The following CSMD3 variants were observed in gnomAD, a reference collection of about 807,000 sequenced individuals.
The protein encoded by CSMD3 is CUB and sushi domain-containing protein 3.
Under a neutral mutation model 435.2 loss-of-function variants are expected in CSMD3, and 177 were observed. The ratio of observed to expected loss-of-function variants is 0.41; its 90% CI spans 0.36 to 0.46. The LOEUF is 0.46. Ranked by LOEUF, CSMD3 falls within the 20% of genes least tolerant of loss-of-function variation. The pLI is 0.34. For missense variants in CSMD3, 4,265 were observed against 4,504.6 expected, an observed-to-expected ratio of 0.95 and a Z score of 1.52; for synonymous variants, 1,656 against 1,520.5, an observed-to-expected ratio of 1.09 and a Z score of -2.07.
At chr8:112,230,892 GTATCCC>G (rs1476666196) in intron 69 of CSMD3, among the ~76,000 whole-genome samples, 1 of 152,094 alleles carries the variant, frequency 6.6e-6, no homozygotes, top group Non-Finnish European at 1.5e-5. Context: ...TATTCTTTGT[GTATCCC>G]TGTCACAGTA....
chr8:112,949,023 C>A (rs188531149), intron 8 of CSMD3, among the ~76,000 whole-genome samples: 1 of 151,994 alleles, frequency 6.6e-6, no homozygotes, highest in Non-Finnish European at 1.5e-5. Context: ...CATCCTCTTG[C>A]CTTGGCCATC....
intron 4 of CSMD3, among the ~76,000 whole-genome samples, chr8:113,144,274 G>T (rs575345394): frequency 6.6e-6 from 1 of 151,336 alleles, no homozygotes; most frequent in South Asian, 2.1e-4. Context: ...CCAAAAATCT[G>T]GTAATGGTAT....
intron 17 of CSMD3, among the ~76,000 whole-genome samples, chr8:112,662,469 T>C (rs2075409019): frequency 6.6e-6 from 1 of 152,082 alleles, no homozygotes; most frequent in East Asian, 1.9e-4. Context: ...TGGCTAGCCA[T>C]ATGTAGAAAG....
intron 47 of CSMD3, among the ~76,000 whole-genome samples, 160 bp from the exon 48 acceptor site, chr8:112,314,777 A>C (rs190689069): frequency 6.6e-6 from 1 of 152,158 alleles, no homozygotes; most frequent in Non-Finnish European, 1.5e-5. Context: ...CTTATGATTC[A>C]AAAGCTGGAG....
At chr8:112,509,204 C>T (rs1277905769) in intron 28 of CSMD3, among the ~76,000 whole-genome samples, 1 of 152,016 alleles carries the variant, frequency 6.6e-6, no homozygotes, top group Non-Finnish European at 1.5e-5. Flanking sequence ...ATCCTCCCAC[C>T]TCAGCCTCCC....
intron 6 of CSMD3, among the ~76,000 whole-genome samples, chr8:112,999,263 C>T (rs760946552): frequency 8.6e-5 from 13 of 151,660 alleles, no homozygotes; most frequent in South Asian, 2.1e-4. Context: ...TAGAGTAGTT[C>T]GGAAGACCTT....
chr8:113,341,899 T>C (rs989830950), intron 1 of CSMD3, among the ~76,000 whole-genome samples: 5 of 152,114 alleles, frequency 3.3e-5, no homozygotes, highest in African/African-American at 9.7e-5. Flanking sequence ...TGCTTCTTGA[T>C]GGTGAAAAAA....
chr8:112,244,685 T>G (rs1814530687), intron 64 of CSMD3, 112 bp from the exon 65 acceptor site: 1 of 704,574 alleles, frequency 1.4e-6, no homozygotes, highest in African/African-American at 1.8e-5. Context: ...TATACATATA[T>G]CTTAGAATAA....
At chr8:113,101,060 C>A (rs1423278604) in intron 4 of CSMD3, among the ~76,000 whole-genome samples, 1 of 152,108 alleles carries the variant, frequency 6.6e-6, no homozygotes, top group Non-Finnish European at 1.5e-5. Flanking sequence ...CTCTTATTTT[C>A]CTAACACTAA....
At chr8:112,741,471 G>A (rs1014904377) in intron 13 of CSMD3, among the ~76,000 whole-genome samples, 1 of 151,846 alleles carries the variant, frequency 6.6e-6, no homozygotes, top group Non-Finnish European at 1.5e-5. Flanking sequence ...GATAACAAGA[G>A]CTGGCAGGAC....
intron 23 of CSMD3, among the ~76,000 whole-genome samples, chr8:112,585,013 A>G (rs1830612707): frequency 6.6e-6 from 1 of 151,544 alleles, no homozygotes; most frequent in African/African-American, 2.4e-5. Context: ...TCCATGTCAA[A>G]GGGTATCTTT....
chr8:112,557,020 ATTCCT>A, intron 24 of CSMD3, 66 bp from the exon 25 acceptor site: 2 of 971,808 alleles, frequency 2.1e-6, no homozygotes, highest in Non-Finnish European at 3.3e-6. Flanking sequence ...TATACAAATC[ATTCCT>A]TTCCTTTACT....
chr8:112,244,659 T>C, intron 64 of CSMD3, 86 bp from the exon 65 acceptor site: 1 of 925,304 alleles, frequency 1.1e-6, no homozygotes, highest in Non-Finnish European at 1.8e-6. Flanking sequence ...ATTTCAGATA[T>C]ACTTCAATGC....
intron 5 of CSMD3, among the ~76,000 whole-genome samples, chr8:113,081,739 C>A (rs935288323): frequency 2.6e-5 from 4 of 152,124 alleles, no homozygotes; most frequent in Admixed American, 2.0e-4. Flanking sequence ...CCAAACCAAT[C>A]CAAATGGTTG....
At chr8:112,649,234 G>A (rs2075060242) in intron 19 of CSMD3, among the ~76,000 whole-genome samples, 2 of 152,184 alleles carry the variant, frequency 1.3e-5, no homozygotes, top group African/African-American at 2.4e-5. Flanking sequence ...TTGAACAGTT[G>A]AACAACAGCT....
rs1199648380 is a variant in CSMD3 at position 112,289,538 on chromosome 8, A to G, written c.8975T>C (p.Met2992Thr). Residue 2992 changes from methionine (M) to threonine (T), a missense_variant and splice_region_variant, in exon 57 of 71, where the codon ATG becomes ACG. Around this residue, in one of 3 missense-constraint regions of CSMD3, gnomAD observed 3,255 missense variants for 3,380.2 expected, o/e 0.96. Transcript: ENST00000297405. Reference sequence around the variant, plus strand: ...AACGCCAGGGTGTCCACAGTCAATCACTACAATACATAATTATTAAATATA... The same window carrying G: ...AACGCCAGGGTGTCCACAGTCAATCGCTACAATACATAATTATTAAATATA... ...QWDKPLPECI[M>T]IDCGHPGVPP... 3 of 1,596,978 alleles carry G rather than the reference A, an allele frequency of 1.9e-6. No individual in the cohort carries two copies. The South Asian group carries it at 3.3e-5, about 18-fold the overall frequency.
intron 6 of CSMD3, among the ~76,000 whole-genome samples, chr8:112,997,462 G>A (rs1481096590): frequency 6.6e-6 from 1 of 151,624 alleles, no homozygotes; most frequent in East Asian, 1.9e-4. Flanking sequence ...AAATTTAGTT[G>A]TATAAAAATT....
At chr8:113,223,933 A>G (rs1194936408) in intron 3 of CSMD3, among the ~76,000 whole-genome samples, 2 of 151,316 alleles carry the variant, frequency 1.3e-5, no homozygotes, top group African/African-American at 2.4e-5. Context: ...AAACTTAAGA[A>G]AGAATTAAAA....
intron 24 of CSMD3, among the ~76,000 whole-genome samples, chr8:112,570,992 T>G (rs1172859574): frequency 6.6e-6 from 1 of 152,090 alleles, no homozygotes; most frequent in African/African-American, 2.4e-5. Flanking sequence ...AATGGACAAT[T>G]ATTAATTTTT....
Sources: gnomAD v4.1 joint callset for allele counts (sites outside exome capture counted in the v4.1 genomes callset) on GRCh38, gnomAD v4.1.1 for gene constraint, gnomAD v4.1.1 regional missense constraint, MANE v1.5 for transcripts, NCBI Gene and HGNC (gene_info 2026-07-23, HGNC 2026-07-21) for gene names.